CASKIN1: variants seen among roughly 807,000 people sequenced by gnomAD.
The protein encoded by CASKIN1 is CASK interacting protein 1, also known as caskin-1.
Under a neutral mutation model 117.5 loss-of-function variants are expected in CASKIN1, and 42 were observed. The ratio of observed to expected loss-of-function variants is 0.36; its 90% CI spans 0.28 to 0.46. The LOEUF (loss-of-function observed/expected upper bound fraction) is 0.46, where lower values mean the gene tolerates loss of function less well. CASKIN1 is among the 20% of genes least tolerant of loss of function. The pLI is 1.00. For missense variants in CASKIN1, 2,083 were observed against 2,077.3 expected (o/e 1.00, Z -0.05); for synonymous variants, 1,148 against 961.7 (o/e 1.19, Z -3.59).
chr16:2,183,758 G>C lies in CASKIN1; in HGVS notation c.1528-11C>G. 6.2e-7 allele frequency: 1 copy of C among 1,613,176 alleles called. No homozygotes were observed. The highest frequency in any genetic ancestry group is 8.5e-7 in the Non-Finnish European group (1 of 1,179,858). ...AATGGCCGTGAGGTCCTAGGCAGTG[G>C]GGAGGCTTGTCAGCTAGGGGCTGGG... On this transcript the variant is annotated splice_polypyrimidine_tract_variant and intron_variant, in intron 15 of 19. Coordinates refer to ENST00000343516, the MANE Select transcript of CASKIN1 (RefSeq NM_020764.4).
In CASKIN1 at chr16:2,179,135, G is replaced by A. The variant is rs2093157044; in HGVS notation, c.3966C>T (p.Gly1322=). The change falls in exon 19 of 20, where the codon GGC becomes GGT. Residue 1322 remains glycine (G), a synonymous_variant. Transcript: ENST00000343516. This position sits in a 1 kb window ranked among gnomAD's most constrained non-coding sequence, Gnocchi z 5.8. ...GGGACGGGGGCTTGGCGGGGCTGGC[G>A]CCCAGCGAGGGCGGCGTACCGGGCG... The part of the protein sequence containing the change: ...AKPPGTPPSL[G]ASPAKPPSPG... 4.8e-6 allele frequency: 5 copies of A among 1,037,416 alleles called. No individual in the cohort carries two copies. The highest frequency in any genetic ancestry group is 1.6e-4 in the East Asian group (2 of 12,844). 64.3% of individuals were successfully genotyped at this position (1,037,416 alleles called of 1,614,324 possible). A position where few individuals can be genotyped will look rare whatever the true frequency, so the allele number is the denominator to read the frequency against.
chr16:2,181,034 C>T lies in CASKIN1; in HGVS notation c.2334G>A (p.Gln778=), dbSNP rs2093165992. Residue 778 remains glutamine (Q), a synonymous_variant, in exon 18 of 20, where the codon CAG becomes CAA. Transcript: ENST00000343516. ...AGCCTGGTCGGGTTTTGGTGGGCGT[C>T]TGGGGGGGCGTGAAGTGGCTAGTGC... ...PPGTSHFTPP[Q]TPTKTRPGSP... The T allele has an allele frequency of 2.0e-6, 3 of 1,486,752 alleles. No homozygotes were observed. The highest frequency in any genetic ancestry group is 2.9e-5 in the African/African-American group (2 of 69,168). 92.1% of individuals were successfully genotyped at this position (1,486,752 alleles called of 1,614,324 possible).
intron 14 of CASKIN1, 74 bp from the exon 15 acceptor site, chr16:2,184,015 G>C: frequency 3.0e-6 from 3 of 1,012,496 alleles, no homozygotes; most frequent in South Asian, 3.2e-5. Context: ...CGCCTCCTCT[G>C]CTTGGCCGGC....
rs763620122 is a variant in CASKIN1, at chr16:2,180,622, G to A, written c.2746C>T (p.Arg916Cys). ...PYATVQRRVG[R>C]SHSVRAPAGA... ...GCGGGCGCCCTCACTGAGTGGCTGC[G>A]GCCCACGCGCCGCTGGACCGTGGCA... Residue 916 changes from arginine (R) to cysteine (C), a missense_variant, in exon 18 of 20, where the codon CGC (arginine) becomes TGC (cysteine). Physicochemically the swap from Arg to Cys is radical, Grantham distance 180 (BLOSUM62 -3). Coordinates refer to ENST00000343516, the MANE Select transcript of CASKIN1 (RefSeq NM_020764.4). The A allele has an allele frequency of 4.4e-5, 68 of 1,559,928 alleles. No homozygotes were observed. Among genetic ancestry groups the A allele is most frequent in the Non-Finnish European group, 5.7e-5 (66 of 1,160,718 alleles).
At position 2,181,756 on chromosome 16, in the gene CASKIN1, T is replaced by TGGGCTGGGGACGA. The variant is rs759876567; in HGVS notation, c.1768+22_1768+34dup. 7.0e-6 allele frequency: 11 copies of TGGGCTGGGGACGA among 1,578,062 alleles called. No homozygotes were observed. The African/African-American group carries it at 1.2e-4, about 17-fold the overall frequency. On this transcript the variant is annotated intron_variant, in intron 17 of 19. Transcript: ENST00000343516. ...GGTGGCTGGGGCTTGGGCTGAGGGTTGGGCTGGGGACGAGGGCTGGGGCTG... is the reference window on the plus strand; with the variant it reads ...GGTGGCTGGGGCTTGGGCTGAGGGTTGGGCTGGGGACGAGGGCTGGGGACGAGGGCTGGGGCTG...
Position 2,178,474 on chromosome 16 carries a change from G to C in CASKIN1, c.*76C>G. ...TGCCCGGCCGCTCGCGCCGCGCCCA[G>C]ACGCGCCCATCCTGAGGTATAGGTC... On this transcript the variant is annotated 3_prime_UTR_variant, in exon 20 of 20. Transcript: ENST00000343516. The C allele has an allele frequency of 1.6e-6, 2 of 1,214,422 alleles. No homozygotes were observed. Among genetic ancestry groups the C allele is most frequent in the South Asian group, 3.0e-5 (2 of 66,080 alleles). The allele number at this position is 1,214,422 out of a possible 1,614,324, so 75.2% of individuals were successfully genotyped here.
chr16:2,178,504 T>G lies in CASKIN1; in HGVS notation c.*46A>C, dbSNP rs752990769. On this transcript the variant is annotated 3_prime_UTR_variant, in exon 20 of 20. Coordinates refer to ENST00000343516, the MANE Select transcript of CASKIN1 (RefSeq NM_020764.4). ...GCCCATCCTGAGGTATAGGTCAGTG[T>G]GCGGGGAGGGCCCGGGCGGCGCGGG... The G allele has an allele frequency of 1.0e-5, 15 of 1,469,948 alleles. No individual in the cohort carries two copies. The highest frequency in any genetic ancestry group is 1.2e-5 in the South Asian group (1 of 80,956). 91.1% of individuals were successfully genotyped at this position (1,469,948 alleles called of 1,614,324 possible).
Position 2,181,776 on chromosome 16 carries a change from G to A in CASKIN1, c.1768+15C>T. ...AGGGTTGGGCTGGGGACGAGGGCTG[G>A]GGCTGGGGCCTCACCCAGCTTGGTG... On this transcript the variant is annotated intron_variant, in intron 17 of 19. Transcript: ENST00000343516. 1 of 1,611,716 alleles carries A rather than the reference G, an allele frequency of 6.2e-7. No homozygotes were observed. The highest frequency in any genetic ancestry group is 8.5e-7 in the Non-Finnish European group (1 of 1,179,218).
In CASKIN1 at chr16:2,179,029, C is replaced by CG; in HGVS notation, c.4071dup (p.Ala1358ArgfsTer222). On this transcript the variant is annotated frameshift_variant, in exon 19 of 20. Transcript: ENST00000343516. LOFTEE classifies it high-confidence loss of function. The surrounding 1 kb of genome is among the most constrained non-coding windows in gnomAD (Gnocchi z 5.8). ...CCTGGCGAGGCGCCTTCGGGCGGGG[C>CG]GGGGGGCGCGGCGGCGGCGGCGGCG... is the stretch of plus-strand genomic sequence containing the variant. 2 of 1,145,164 alleles carry CG rather than the reference C, an allele frequency of 1.7e-6. No individual in the cohort carries two copies. The highest frequency in any genetic ancestry group is 2.1e-6 in the Non-Finnish European group (2 of 933,272). The allele number at this position is 1,145,164 out of a possible 1,614,324, so 70.9% of individuals were successfully genotyped here.
chr16:2,179,640 G>T lies in CASKIN1; in HGVS notation c.3728C>A (p.Pro1243His), dbSNP rs2141309714. ...TQPVPKLQGS[P>H]TPTSKKVPLP... ...CGGCACCTTCTTGGAGGTGGGTGTGGGCGAGCCCTGGAGCTTGGGCACAGG... is the reference window on the plus strand; with the variant it reads ...CGGCACCTTCTTGGAGGTGGGTGTGTGCGAGCCCTGGAGCTTGGGCACAGG... Residue 1243 changes from proline to histidine, a missense_variant, in exon 18 of 20, where the codon CCC (proline) becomes CAC (histidine). Pro to His is a moderately conservative substitution (Grantham distance 77). Coordinates refer to ENST00000343516, the MANE Select transcript of CASKIN1 (RefSeq NM_020764.4). The surrounding 1 kb of genome is among the most constrained non-coding windows in gnomAD (Gnocchi z 5.8). 1 of 1,488,374 alleles carries T rather than the reference G, an allele frequency of 6.7e-7. No individual in the cohort carries two copies. The allele number at this position is 1,488,374 out of a possible 1,614,324, so 92.2% of individuals were successfully genotyped here. A position where few individuals can be genotyped will look rare whatever the true frequency, so the allele number is the denominator to read the frequency against.
At position 2,182,641 on chromosome 16, in the gene CASKIN1, C is replaced by T. The variant is rs1008228342; in HGVS notation, c.1630-712G>A. On this transcript the variant is annotated intron_variant, in intron 16 of 19. Transcript: ENST00000343516. The surrounding 1 kb of genome is among the most constrained non-coding windows in gnomAD (Gnocchi z 4.1). ...GCAAGGCAGGGTGAGTGCAGACCCA[C>T]GCGCCAGGTGGCTTTTGACAGCCAC... Among the ~76,000 whole-genome samples the T allele has an allele frequency of 6.6e-6, 1 of 152,230 alleles. No homozygotes were observed. Among genetic ancestry groups the T allele is most frequent in the Non-Finnish European group, 1.5e-5 (1 of 68,046 alleles).
At chr16:2,178,863 G>A in intron 19 of CASKIN1, 39 bp downstream of exon 19, 1 of 1,385,618 alleles carries the variant, frequency 7.2e-7, no homozygotes, top group Non-Finnish European at 9.3e-7. Context: ...TCTCTGCCGA[G>A]CCCCGCCCTC....
chr16:2,196,283 G>T lies in CASKIN1; in HGVS notation c.94+56C>A. The T allele has an allele frequency of 1.2e-6, 1 of 823,222 alleles. No individual in the cohort carries two copies. The highest frequency in any genetic ancestry group is 1.8e-5 in the African/African-American group (1 of 54,068). 51.0% of individuals were successfully genotyped at this position (823,222 alleles called of 1,614,324 possible). A position where few individuals can be genotyped will look rare whatever the true frequency, so the allele number is the denominator to read the frequency against. ...CGCCCGGCGCCGGGTGGGGGGCTCCGCGCCGGGGAGGGGCCCCCGGGGCTC... is the reference window on the plus strand; with the variant it reads ...CGCCCGGCGCCGGGTGGGGGGCTCCTCGCCGGGGAGGGGCCCCCGGGGCTC... On this transcript the variant is annotated intron_variant, in intron 1 of 19. Transcript: ENST00000343516. This position sits in a 1 kb window ranked among gnomAD's most constrained non-coding sequence, Gnocchi z 5.7.
chr16:2,177,866 GC>G lies in CASKIN1; in HGVS notation c.*683del. ...CGGAGGAGCCCCCGGCAGAGCACCC[GC>G]CCCCGGGCCCCAGCCTTCCACCTGT... On this transcript the variant is annotated 3_prime_UTR_variant, in exon 20 of 20. Transcript: ENST00000343516. The G allele has an allele frequency of 7.0e-6, 2 of 286,292 alleles. No homozygotes were observed. The highest frequency in any genetic ancestry group is 1.3e-5 in the Non-Finnish European group (2 of 149,048). 17.7% of individuals were successfully genotyped at this position (286,292 alleles called of 1,614,324 possible).
rs1055241257 is a variant in CASKIN1 at position 2,177,668 on chromosome 16, C to T, written c.*882G>A. The T allele has an allele frequency of 2.1e-5, 5 of 239,890 alleles. No individual in the cohort carries two copies. The East Asian group carries it at 2.4e-4, about 12-fold the overall frequency. 14.9% of individuals were successfully genotyped at this position (239,890 alleles called of 1,614,324 possible). On this transcript the variant is annotated 3_prime_UTR_variant, in exon 20 of 20. Coordinates refer to ENST00000343516, the MANE Select transcript of CASKIN1 (RefSeq NM_020764.4). ...CACACCCTCAGAGGAGCTGCAAGCC[C>T]GTGGCCTGGCCTGCTACATGCCCTG...
At chr16:2,185,501 G>A (rs2093181367) in intron 10 of CASKIN1, 93 bp from the exon 11 acceptor site, 14 of 1,071,198 alleles carry the variant, frequency 1.3e-5, no homozygotes, top group Admixed American at 2.8e-5. Flanking sequence ...AGCCACAGCC[G>A]GGGGTCCTCT....
rs149789996 is a variant in CASKIN1, at chr16:2,186,819, G to C, written c.936C>G (p.Leu312=). The C allele has an allele frequency of 3.7e-6, 6 of 1,612,808 alleles. No homozygotes were observed. Among genetic ancestry groups the C allele is most frequent in the African/African-American group, 1.3e-5 (1 of 74,924 alleles). ...NVKAGDIITV[L]EQHPDGRWKG... is the part of the protein sequence containing the mutation. ...TCCACCGGCCATCCGGATGCTGCTCGAGGACCTGGCCAGTAAGGTGGGGGG... is the reference window on the plus strand; with the variant it reads ...TCCACCGGCCATCCGGATGCTGCTCCAGGACCTGGCCAGTAAGGTGGGGGG... The change falls in exon 10 of 20, where the codon CTC becomes CTG. Residue 312 remains leucine (L), a synonymous_variant. Coordinates refer to ENST00000343516, the MANE Select transcript of CASKIN1 (RefSeq NM_020764.4).
Position 2,179,702 on chromosome 16 carries a change from G to C in CASKIN1, c.3666C>G (p.Ala1222=), listed in dbSNP as rs2093160009. The stretch of plus-strand genomic sequence containing the variant: ...CGGGCTTGGGAGAGACAGGCGGCTT[G>C]GCCGGCTTCCGGGCTTCGCCCTCGG... ...PPPEGEARKP[A]KPPVSPKPVL... The change falls in exon 18 of 20, where the codon GCC becomes GCG. Residue 1222 remains alanine, a synonymous_variant. Transcript: ENST00000343516. This position sits in a 1 kb window ranked among gnomAD's most constrained non-coding sequence, Gnocchi z 5.8. The C allele has an allele frequency of 1.3e-6, 2 of 1,524,566 alleles. No homozygotes were observed. Among genetic ancestry groups the C allele is most frequent in the Non-Finnish European group, 1.7e-6 (2 of 1,143,684 alleles). The allele number at this position is 1,524,566 out of a possible 1,614,324, so 94.4% of individuals were successfully genotyped here. A position where few individuals can be genotyped will look rare whatever the true frequency, so the allele number is the denominator to read the frequency against.
intron 3 of CASKIN1, 52 bp from the exon 4 acceptor site, chr16:2,189,616 T>A: frequency 6.5e-7 from 1 of 1,540,360 alleles, no homozygotes; most frequent in South Asian, 1.2e-5. Flanking sequence ...AACCCAACCC[T>A]GGAGGATAGG....
Sources: allele counts gnomAD v4.1 joint callset (sites outside exome capture counted in the v4.1 genomes callset), GRCh38; gene constraint gnomAD v4.1.1; non-coding constraint Gnocchi (gnomAD v3.1); transcripts MANE v1.5; gene names NCBI Gene and HGNC (gene_info 2026-07-23, HGNC 2026-07-21).